The following POLA1 variants were observed in gnomAD, a reference collection of about 807,000 sequenced individuals.
POLA1 encodes the protein DNA polymerase alpha 1, catalytic subunit, also known as DNA polymerase alpha catalytic subunit.
Under a neutral mutation model 124.0 loss-of-function variants are expected in POLA1, and 15 were observed. The observed-to-expected ratio is 0.12, with a 90% CI of 0.08 to 0.19. POLA1 has a LOEUF of 0.19. Ranked by LOEUF, POLA1 falls within the 10% of genes least tolerant of loss-of-function variation. POLA1 has a pLI of 1.00. For missense variants in POLA1, 886 were observed against 1,103.4 expected, an observed-to-expected ratio of 0.80 and a Z score of 2.79; for synonymous variants, 408 against 389.4, an observed-to-expected ratio of 1.05 and a Z score of -0.56.
chrX:24,800,153 G>A (rs924034698), intron 26 of POLA1, among the ~76,000 whole-genome samples: 3 of 111,618 alleles, frequency 2.7e-5, no homozygotes, highest in African/African-American at 9.8e-5. Flanking sequence ...CAAAAGCAAG[G>A]GGCAAGGACC....
At chrX:24,710,664 GTTTTTTTTTTT>G (rs1191270484) in intron 4 of POLA1, among the ~76,000 whole-genome samples, 10 of 86,672 alleles carry the variant, frequency 1.2e-4, no homozygotes, top group Non-Finnish European at 1.8e-4. Flanking sequence ...ATATGTTGTG[GTTTTTTTTTTT>G]TTTTTTTTTG....
At chrX:24,995,077 A>G (rs1377656961) in intron 36 of POLA1, among the ~76,000 whole-genome samples, 1 of 110,972 alleles carries the variant, frequency 9.0e-6, no homozygotes, top group Non-Finnish European at 1.9e-5. Context: ...AAAGAAAGAA[A>G]AAAAACAACA....
chrX:24,955,761 T>G (rs2048099235), intron 36 of POLA1, among the ~76,000 whole-genome samples: 1 of 111,876 alleles, frequency 8.9e-6, no homozygotes, highest in Non-Finnish European at 1.9e-5. Context: ...GTTGTGACGG[T>G]GGAGACATGT....
At chrX:24,709,005 G>A (rs1239705924) in intron 4 of POLA1, among the ~76,000 whole-genome samples, 305 of 91,358 alleles carry the variant, frequency 3.3e-3, no homozygotes, top group Admixed American at 1.0e-2. Context: ...GCGGCTGGCC[G>A]GGCAGGGGGG....
At chrX:24,734,725 C>A in intron 17 of POLA1, among the ~76,000 whole-genome samples, 1 of 111,347 alleles carries the variant, frequency 9.0e-6, no homozygotes, top group Admixed American at 9.5e-5. Flanking sequence ...AAGGGATTCT[C>A]GTGCCTCAGC....
intron 36 of POLA1, among the ~76,000 whole-genome samples, chrX:24,956,836 A>C (rs2048112064): frequency 8.9e-6 from 1 of 112,359 alleles, no homozygotes; most frequent in African/African-American, 3.2e-5. Context: ...CCTGTTACAT[A>C]CCTACAAAAG....
intron 24 of POLA1, among the ~76,000 whole-genome samples, chrX:24,747,454 C>T (rs754828694): frequency 4.5e-5 from 5 of 111,032 alleles, no homozygotes; most frequent in South Asian, 7.7e-4. Flanking sequence ...TGTGAGCCAC[C>T]GCTCCTGGCT....
intron 34 of POLA1, among the ~76,000 whole-genome samples, chrX:24,858,271 A>G (rs746792376): frequency 8.9e-6 from 1 of 112,060 alleles, no homozygotes; most frequent in Non-Finnish European, 1.9e-5. Flanking sequence ...ATATGATTGT[A>G]TAAACCTAGG....
intron 28 of POLA1, among the ~76,000 whole-genome samples, chrX:24,811,936 A>T (rs1403669917): frequency 8.9e-6 from 1 of 112,612 alleles, no homozygotes; most frequent in Admixed American, 9.3e-5. Flanking sequence ...TTTTAGAAAC[A>T]CTTGCTATGT....
chrX:24,892,492 T>A (rs1244722465), intron 35 of POLA1, among the ~76,000 whole-genome samples: 1 of 111,633 alleles, frequency 9.0e-6, no homozygotes, highest in East Asian at 2.8e-4. Context: ...AATAAATATT[T>A]TAGTATCTCT....
intron 26 of POLA1, among the ~76,000 whole-genome samples, chrX:24,756,536 C>T (rs955582354): frequency 2.8e-5 from 3 of 108,152 alleles, no homozygotes; most frequent in African/African-American, 1.0e-4. Flanking sequence ...GCACACCAGT[C>T]TGGGCAACAG....
At chrX:24,989,082 A>G (rs2048508040) in intron 36 of POLA1, among the ~76,000 whole-genome samples, 2 of 112,308 alleles carry the variant, frequency 1.8e-5, no homozygotes, top group Non-Finnish European at 3.8e-5. Context: ...GAAGAATGGT[A>G]CTGGTGGAAA....
At chrX:24,706,925 T>A (rs772234724) in intron 4 of POLA1, among the ~76,000 whole-genome samples, 2 of 112,778 alleles carry the variant, frequency 1.8e-5, no homozygotes, top group Non-Finnish European at 3.7e-5. Flanking sequence ...GTAACTTTTT[T>A]ATTAGTTTCT....
rs188524159 is a variant in POLA1, at chrX:24,874,605, G to T, written c.4048-13401G>T. Among the ~76,000 whole-genome samples the T allele has an allele frequency of 1.4e-3, 157 of 112,200 alleles. 1 individual carries two copies. The highest frequency in any genetic ancestry group is 4.7e-3 in the African/African-American group (145 of 30,921). ...GGTAGTTCTTTTTGAACAAGAGAGA[G>T]AATGAGAATAATAAGGTTCTCAACC... On this transcript the variant is annotated intron_variant, in intron 34 of 36. Transcript: ENST00000379068.
intron 35 of POLA1, among the ~76,000 whole-genome samples, chrX:24,912,530 C>T (rs771833802): frequency 1.8e-5 from 2 of 110,906 alleles, no homozygotes; most frequent in Non-Finnish European, 3.8e-5. Flanking sequence ...ACAAGCAATC[C>T]AATTTAAAAA....
chrX:24,741,914 G>A lies in POLA1; in HGVS notation c.2347-88G>A. 4.3e-6 allele frequency: 3 copies of A among 691,430 alleles called. No homozygotes were observed. In the South Asian group the frequency reaches 9.5e-5, roughly 22 times the overall value. 57.0% of individuals were successfully genotyped at this position (691,430 alleles called of 1,213,427 possible). On this transcript the variant is annotated intron_variant, in intron 21 of 36. Coordinates refer to ENST00000379068, the MANE Select transcript of POLA1 (RefSeq NM_001330360.2). Reference sequence around the variant, plus strand: ...CGTTATTAGGAATAGTTTTGAAGGAGGTGCTGTGACTAAACTTACTGACTC... The same window carrying A: ...CGTTATTAGGAATAGTTTTGAAGGAAGTGCTGTGACTAAACTTACTGACTC...
At chrX:24,706,442 G>A (rs1260273534) in intron 4 of POLA1, among the ~76,000 whole-genome samples, 2 of 112,019 alleles carry the variant, frequency 1.8e-5, no homozygotes, top group Non-Finnish European at 3.8e-5. Flanking sequence ...ATGGGAGATG[G>A]ATGTACTCAT....
intron 26 of POLA1, among the ~76,000 whole-genome samples, chrX:24,749,536 G>T (rs1032664861): frequency 1.8e-5 from 2 of 110,122 alleles, no homozygotes; most frequent in Admixed American, 9.7e-5. Flanking sequence ...ACTTAAGAGA[G>T]TTTTTTTTTG....
intron 10 of POLA1, among the ~76,000 whole-genome samples, chrX:24,717,982 A>G: frequency 9.0e-6 from 1 of 111,374 alleles, no homozygotes. Context: ...CATTCATTGT[A>G]AAGTGAATGC....
Sources: allele counts gnomAD v4.1 joint callset (sites outside exome capture counted in the v4.1 genomes callset), GRCh38; gene constraint gnomAD v4.1.1; transcripts MANE v1.5; gene names NCBI Gene and HGNC (gene_info 2026-07-23, HGNC 2026-07-21).